Variants in N4BP1 observed in about 807,000 individuals in gnomAD.
N4BP1 encodes the protein NEDD4-binding protein 1.
N4BP1 carries 21 observed loss-of-function variants against 70.9 expected under a neutral mutation model. The observed-to-expected ratio is 0.30, with a 90% CI of 0.21 to 0.43. The LOEUF is 0.43. Ranked by LOEUF, N4BP1 falls within the 20% of genes least tolerant of loss-of-function variation. The probability of loss-of-function intolerance (pLI) is 1.00; values close to 1 mark genes in which losing one functional copy is unlikely to be tolerated. For synonymous variants in N4BP1, 387 were observed against 394.6 expected, an observed-to-expected ratio of 0.98 and a Z score of 0.23; for missense variants, 936 against 1,069.4, an observed-to-expected ratio of 0.88 and a Z score of 1.74.
intron 1 of N4BP1, among the ~76,000 whole-genome samples, chr16:48,599,153 T>C (rs912797496): frequency 1.2e-4 from 19 of 152,148 alleles, no homozygotes; most frequent in African/African-American, 4.6e-4. Context: ...ATAATAACTA[T>C]AATTTTTTCT....
chr16:48,596,376 A>C (rs1405282159), intron 1 of N4BP1, among the ~76,000 whole-genome samples: 5 of 152,164 alleles, frequency 3.3e-5, no homozygotes, highest in Non-Finnish European at 5.9e-5. Flanking sequence ...TTGGAACCTC[A>C]GCCTGGCTTG....
intron 1 of N4BP1, among the ~76,000 whole-genome samples, chr16:48,586,731 A>G (rs974276515): frequency 2.6e-5 from 4 of 152,242 alleles, no homozygotes; most frequent in Admixed American, 6.5e-5. Flanking sequence ...TTATCACCTT[A>G]TAACAAGAAG....
chr16:48,553,683 A>G lies in N4BP1; in HGVS notation c.1890-14T>C, dbSNP rs535729451. ...TTCAGACCATGGCTAGAAATTACAA[A>G]GTAAAGAAAATAAGTAAAGTTTATT... On this transcript the variant is annotated splice_polypyrimidine_tract_variant and intron_variant, in intron 2 of 6. Coordinates refer to ENST00000262384, the MANE Select transcript of N4BP1 (RefSeq NM_153029.4). 16 of 1,542,706 alleles carry G rather than the reference A, an allele frequency of 1.0e-5. No homozygotes were observed. The East Asian group carries it at 3.5e-4, about 34-fold the overall frequency.
chr16:48,606,535 T>C (rs1014595806), intron 1 of N4BP1, among the ~76,000 whole-genome samples: 41 of 152,328 alleles, frequency 2.7e-4, no homozygotes, highest in African/African-American at 9.9e-4. Context: ...CTGGGAATAT[T>C]TGGCTCTTCA....
At chr16:48,558,715 C>T (rs539188940) in intron 2 of N4BP1, among the ~76,000 whole-genome samples, 62 of 152,168 alleles carry the variant, frequency 4.1e-4, no homozygotes, top group Non-Finnish European at 7.5e-4. Context: ...CTCAAGAAAT[C>T]GTAACAATGA....
intron 1 of N4BP1, chr16:48,600,306 GT>G: frequency 1.8e-6 from 2 of 1,116,002 alleles, no homozygotes; most frequent in Non-Finnish European, 2.7e-6. Context: ...TCCTTGCAAA[GT>G]TAGGTGGACC....
chr16:48,591,420 T>A (rs1460072645), intron 1 of N4BP1, among the ~76,000 whole-genome samples: 1 of 152,130 alleles, frequency 6.6e-6, no homozygotes, highest in African/African-American at 2.4e-5. Flanking sequence ...AAACACCTTA[T>A]GGGTCCATGG....
chr16:48,558,613 T>C (rs533809262), intron 2 of N4BP1, among the ~76,000 whole-genome samples: 1 of 152,372 alleles, frequency 6.6e-6, no homozygotes, highest in African/African-American at 2.4e-5. Flanking sequence ...TAACCTTGCA[T>C]TTCTTATTTG....
At chr16:48,605,627 T>C (rs1964568180) in intron 1 of N4BP1, among the ~76,000 whole-genome samples, 1 of 152,180 alleles carries the variant, frequency 6.6e-6, no homozygotes, top group Non-Finnish European at 1.5e-5. Flanking sequence ...CTCTAGCCCC[T>C]GTATTAATGC....
At position 48,552,700 on chromosome 16, in the gene N4BP1, A is replaced by G. The variant is rs372558885; in HGVS notation, c.2020+839T>C. ...GCGACAGAGCGAGACTCCGTCTCAG[A>G]AAAAAAAAAAAAAAAAAAAAAAAAA... On this transcript the variant is annotated intron_variant, in intron 3 of 6. Transcript: ENST00000262384. 6.3e-3 allele frequency among the ~76,000 whole-genome samples: 485 copies of G among 77,024 alleles called. 1 individual carries two copies. Among genetic ancestry groups the G allele is most frequent in the African/African-American group, 0.03 (419 of 13,758 alleles). 50.5% of individuals were successfully genotyped at this position (77,024 alleles called of 152,430 possible). A position where few individuals can be genotyped will look rare whatever the true frequency, so the allele number is the denominator to read the frequency against.
At chr16:48,581,249 A>T (rs949524837) in intron 1 of N4BP1, among the ~76,000 whole-genome samples, 9 of 60,554 alleles carry the variant, frequency 1.5e-4, no homozygotes, top group South Asian at 1.2e-3. Flanking sequence ...TTTTCATGAT[A>T]AAAAAAAAAA....
chr16:48,553,101 T>C (rs1963700001), intron 3 of N4BP1, among the ~76,000 whole-genome samples: 1 of 152,214 alleles, frequency 6.6e-6, no homozygotes, highest in Non-Finnish European at 1.5e-5. Flanking sequence ...ATCTTTCGTG[T>C]GTGGCCTGCA....
chr16:48,590,815 C>CAGCTCCATCACCGAGTGTCTGT (rs1964325569), intron 1 of N4BP1, among the ~76,000 whole-genome samples: 1 of 152,152 alleles, frequency 6.6e-6, no homozygotes, highest in Admixed American at 6.5e-5. Context: ...TATGTGTCTG[C>CAGCTCCATCACCGAGTGTCTGT]AGCTCCATCA....
chr16:48,579,465 C>G (rs990204016), intron 1 of N4BP1, among the ~76,000 whole-genome samples: 1 of 152,174 alleles, frequency 6.6e-6, no homozygotes, highest in African/African-American at 2.4e-5. Context: ...CTTTGCCTAA[C>G]ACATTATTCA....
chr16:48,584,085 C>G (rs1964209715), intron 1 of N4BP1, among the ~76,000 whole-genome samples: 1 of 152,214 alleles, frequency 6.6e-6, no homozygotes, highest in South Asian at 2.1e-4. Context: ...ATCACTAGGC[C>G]AGTTTCAACT....
intron 1 of N4BP1, among the ~76,000 whole-genome samples, chr16:48,591,405 C>G (rs1964336294): frequency 6.6e-6 from 1 of 151,978 alleles, no homozygotes; most frequent in Non-Finnish European, 1.5e-5. Flanking sequence ...CTTACCATCT[C>G]TTTGAAACAC....
In N4BP1 at chr16:48,561,091, C is replaced by G; in HGVS notation, c.1552G>C (p.Val518Leu). 6.2e-7 allele frequency: 1 copy of G among 1,613,948 alleles called. No individual in the cohort carries two copies. Among genetic ancestry groups the G allele is most frequent in the Non-Finnish European group, 8.5e-7 (1 of 1,179,878 alleles). The part of the protein sequence containing the change: ...SRGASSHQPR[V>L]PLFPENGLHQ... ...AAACCATTTTCAGGAAAAAGTGGAA[C>G]TCTGGGCTGGTGACTTGAAGCTCCC... Residue 518 changes from valine to leucine, a missense_variant, in exon 2 of 7, where the codon GTT becomes CTT. Physicochemically the swap from Val to Leu is conservative, Grantham distance 32. This residue lies in a region of N4BP1 where 515 missense variants were observed against 491.7 expected (regional missense o/e 1.05). Coordinates refer to ENST00000262384, the MANE Select transcript of N4BP1 (RefSeq NM_153029.4).
chr16:48,546,466 A>G (rs987167569), intron 5 of N4BP1: 11 of 377,344 alleles, frequency 2.9e-5, no homozygotes, highest in Non-Finnish European at 4.7e-6. Context: ...AGAACGTTTT[A>G]TCAGCTGGCC....
intron 1 of N4BP1, chr16:48,577,697 CA>C: frequency 4.9e-6 from 1 of 204,792 alleles, no homozygotes; most frequent in Non-Finnish European, 1.0e-5. Flanking sequence ...GTGGTCTTGG[CA>C]AAGTTGCCCA....
Sources: allele counts gnomAD v4.1 joint callset (sites outside exome capture counted in the v4.1 genomes callset), GRCh38; gene constraint gnomAD v4.1.1; regional missense constraint gnomAD v4.1.1; transcripts MANE v1.5; gene names NCBI Gene and HGNC (gene_info 2026-07-23, HGNC 2026-07-21).